MZF1: variants seen among roughly 807,000 people sequenced by gnomAD.
MZF1 encodes the protein myeloid zinc finger 1.
In MZF1, 24 loss-of-function variants were observed where a neutral mutation model predicts 28.6. The ratio of observed to expected loss-of-function variants is 0.84; its 90% CI spans 0.61 to 1.18. MZF1 has a LOEUF of 1.18. Ranked by LOEUF, MZF1 falls within the 50% of genes most tolerant of loss-of-function variation. MZF1 has a pLI of 0.00. For missense variants in MZF1, 1,166 were observed against 1,026.4 expected (o/e 1.14, Z -1.86); for synonymous variants, 516 against 432.5 (o/e 1.19, Z -2.40).
At position 58,571,164 on chromosome 19, in the gene MZF1, C is replaced by G. The variant is rs963761608; in HGVS notation, c.226G>C (p.Glu76Gln). The G allele has an allele frequency of 2.5e-5, 41 of 1,613,818 alleles. No individual in the cohort carries two copies. Among genetic ancestry groups the G allele is most frequent in the Admixed American group, 5.0e-5 (3 of 59,972 alleles). Residue 76 changes from glutamate to glutamine, a missense_variant, in exon 2 of 6, where the codon GAG (glutamate) becomes CAG (glutamine). Physicochemically the swap from Glu to Gln is conservative, Grantham distance 29. Coordinates refer to ENST00000215057, the MANE Select transcript of MZF1 (RefSeq NM_198055.2). ...AGCATCTGCTCCTTGGAGCGTACCT[C>G]TGGACGCAGCCACTGGCGACACAGC... is the stretch of plus-strand genomic sequence containing the variant. ...RELCRQWLRPEVRSKEQMLEL... is the reference protein window; with the variant it reads ...RELCRQWLRPQVRSKEQMLEL...
intron 2 of MZF1, 64 bp downstream of exon 2, chr19:58,570,930 C>T: frequency 6.6e-7 from 1 of 1,512,142 alleles, no homozygotes; most frequent in Non-Finnish European, 8.9e-7. Flanking sequence ...CGTGGTGCTG[C>T]CCAGGGTGAG....
rs1263081002 is a variant in MZF1, at chr19:58,571,044, C to T, written c.346G>A (p.Ala116Thr). ...GQRPGSPEEA[A>T]ALVDGLRREP... ...CGGCGCAGCCCATCTACTAGGGCAG[C>T]AGCCTCCTCGGGGCTGCCTGGCCGC... Residue 116 changes from alanine to threonine, a missense_variant, in exon 2 of 6, where the codon GCT becomes ACT. Transcript: ENST00000215057. The T allele has an allele frequency of 5.0e-6, 8 of 1,612,766 alleles. No individual in the cohort carries two copies. The highest frequency in any genetic ancestry group is 6.8e-6 in the Non-Finnish European group (8 of 1,179,666).
intron 5 of MZF1, 123 bp from the exon 6 acceptor site, chr19:58,563,627 C>T (rs555766723): frequency 4.0e-6 from 3 of 747,364 alleles, no homozygotes; most frequent in Admixed American, 5.9e-5. Context: ...CAGACGGAGG[C>T]GACAAATGCA....
In MZF1 at chr19:58,571,417, C is replaced by T. The variant is rs760168776; in HGVS notation, c.-28G>A. The T allele has an allele frequency of 1.2e-6, 2 of 1,611,414 alleles. No homozygotes were observed. Among genetic ancestry groups the T allele is most frequent in the Non-Finnish European group, 1.7e-6 (2 of 1,178,762 alleles). On this transcript the variant is annotated 5_prime_UTR_variant, in exon 2 of 6. Coordinates refer to ENST00000215057, the MANE Select transcript of MZF1 (RefSeq NM_198055.2). ...AGGGTACCAGGTCAGGTATCTGAGG[C>T]CAGTGTCTGCCCCTGGTGAAGAAAT...
intron 2 of MZF1, 140 bp from the exon 3 acceptor site, chr19:58,570,667 T>C: frequency 1.1e-6 from 1 of 908,624 alleles, no homozygotes; most frequent in Non-Finnish European, 1.6e-6. Context: ...TCCAAGGACC[T>C]ACCTCCCCTA....
intron 2 of MZF1, 131 bp from the exon 3 acceptor site, chr19:58,570,658 C>T: frequency 5.1e-6 from 5 of 977,602 alleles, no homozygotes; most frequent in African/African-American, 1.6e-5. Flanking sequence ...ACTAGGTCCT[C>T]CAAGGACCTA....
At chr19:58,569,210 G>C in intron 5 of MZF1, 67 bp downstream of exon 5, 1 of 1,504,854 alleles carries the variant, frequency 6.6e-7, no homozygotes, top group Non-Finnish European at 8.9e-7. Flanking sequence ...AGGGCCAGGA[G>C]TGGGGTCGGC....
chr19:58,566,036 G>A (rs2054049173), intron 5 of MZF1, among the ~76,000 whole-genome samples: 1 of 151,592 alleles, frequency 6.6e-6, no homozygotes, highest in South Asian at 2.1e-4. Context: ...AGCTACTCGG[G>A]AGGCTGAGGC....
rs61259838 is a variant in MZF1, at chr19:58,571,745, G to A, written c.-40-316C>T. On this transcript the variant is annotated intron_variant, in intron 1 of 5. Transcript: ENST00000215057. ...TGCCCAGGCTGAAGTGCAGTGGCGA[G>A]ATCATGCGTCACTGCAGACTTGACC... 1,083 of 243,410 alleles carry A rather than the reference G, an allele frequency of 4.4e-3. 9 individuals are homozygous for A. The highest frequency in any genetic ancestry group is 0.023 in the African/African-American group (1,020 of 44,704). 15.1% of individuals were successfully genotyped at this position (243,410 alleles called of 1,614,324 possible). A position where few individuals can be genotyped will look rare whatever the true frequency, so the allele number is the denominator to read the frequency against.
chr19:58,571,145 T>C lies in MZF1; in HGVS notation c.245A>G (p.Gln82Arg), dbSNP rs191877920. The C allele has an allele frequency of 5.7e-4, 919 of 1,614,106 alleles. 32 individuals carry two copies. The Admixed American group carries it at 0.015, about 26-fold the overall frequency. The change falls in exon 2 of 6, where the codon CAG (glutamine) becomes CGG (arginine). Residue 82 changes from glutamine (Q) to arginine (R), a missense_variant. Coordinates refer to ENST00000215057, the MANE Select transcript of MZF1 (RefSeq NM_198055.2). The part of the protein sequence containing the change: ...WLRPEVRSKE[Q>R]MLELLVLEQF... ...CTCCAGCACCAACAGCTCCAGCATC[T>C]GCTCCTTGGAGCGTACCTCTGGACG...
At chr19:58,563,584 T>C (rs1600098316) in intron 5 of MZF1, 80 bp from the exon 6 acceptor site, 1 of 1,219,836 alleles carries the variant, frequency 8.2e-7, no homozygotes, top group East Asian at 2.6e-5. Context: ...GGACACAGTG[T>C]GAACTACAGG....
chr19:58,566,236 CG>C (rs2054054156), intron 5 of MZF1, among the ~76,000 whole-genome samples: 2 of 151,350 alleles, frequency 1.3e-5, no homozygotes, highest in Non-Finnish European at 2.9e-5. Flanking sequence ...CACCTGAGGT[CG>C]GGAGTTCCAG....
intron 1 of MZF1, among the ~76,000 whole-genome samples, chr19:58,572,346 C>T (rs1282803647): frequency 6.6e-6 from 1 of 152,048 alleles, no homozygotes; most frequent in Admixed American, 6.6e-5. Flanking sequence ...CCCAACATCA[C>T]ACTACGCAAT....
At chr19:58,570,886 C>G in intron 2 of MZF1, 108 bp downstream of exon 2, 2 of 1,301,658 alleles carry the variant, frequency 1.5e-6, no homozygotes, top group Non-Finnish European at 2.1e-6. Flanking sequence ...GTGGCCACTT[C>G]TGTACCACAA....
intron 5 of MZF1, chr19:58,568,814 T>C (rs1255083691): frequency 3.2e-5 from 5 of 154,722 alleles, no homozygotes; most frequent in African/African-American, 1.2e-4. Context: ...GCAGGGGGCC[T>C]CTGGTCCGTA....
Position 58,562,401 on chromosome 19 carries a change from G to A in MZF1, c.1876C>T (p.His626Tyr). Residue 626 changes from histidine to tyrosine, a missense_variant, in exon 6 of 6, where the codon CAC becomes TAC. By Grantham distance (83) the His-to-Tyr change is moderately conservative. Transcript: ENST00000215057. ...QRTHTGEKPY[H>Y]CGECGLGFTQ... ...AAGCCCAGGCCGCACTCACCGCAGT[G>A]GTAGGGCTTTTCGCCGGTGTGTGTC... is the stretch of plus-strand genomic sequence containing the variant. The A allele has an allele frequency of 6.2e-7, 1 of 1,609,198 alleles. No homozygotes were observed. The highest frequency in any genetic ancestry group is 8.5e-7 in the Non-Finnish European group (1 of 1,178,250).
chr19:58,570,941 G>C (rs1036802904), intron 2 of MZF1, 53 bp downstream of exon 2: 1 of 1,536,832 alleles, frequency 6.5e-7, no homozygotes, highest in Non-Finnish European at 8.8e-7. Context: ...CCAGGGTGAG[G>C]CCGAGCTGGA....
At chr19:58,570,258 C>G in intron 3 of MZF1, 86 bp downstream of exon 3, 1 of 1,383,928 alleles carries the variant, frequency 7.2e-7, no homozygotes, top group Non-Finnish European at 9.8e-7. Context: ...CAAACCTGGC[C>G]CAGTGGACTT....
chr19:58,566,152 AAG>A (rs1233689043), intron 5 of MZF1, among the ~76,000 whole-genome samples: 6 of 150,620 alleles, frequency 4.0e-5, no homozygotes, highest in Admixed American at 2.6e-4. Flanking sequence ...AAAAAAAAAA[AAG>A]AAGAGGAATG....
Sources: gnomAD v4.1 joint callset for allele counts (sites outside exome capture counted in the v4.1 genomes callset) on GRCh38, gnomAD v4.1.1 for gene constraint, MANE v1.5 for transcripts, NCBI Gene and HGNC (gene_info 2026-07-23, HGNC 2026-07-21) for gene names.